Variants in POU3F1 observed in about 807,000 individuals in gnomAD.
The protein encoded by POU3F1 is POU domain, class 3, transcription factor 1.
POU3F1 carries 1 observed loss-of-function variant against 7.6 expected under a neutral mutation model. That is an observed-to-expected ratio of 0.13 (90% confidence interval 0.05 to 0.62). POU3F1 has a LOEUF of 0.62. Ranked by LOEUF, POU3F1 falls within the 20% of genes least tolerant of loss-of-function variation. The pLI, the probability that POU3F1 is intolerant of heterozygous loss-of-function variation, is 0.87. For synonymous variants in POU3F1, 354 were observed against 339.0 expected, an observed-to-expected ratio of 1.04 and a Z score of -0.49; for missense variants, 505 against 679.3, an observed-to-expected ratio of 0.74 and a Z score of 2.85.
At position 38,046,365 on chromosome 1, in the gene POU3F1, C is replaced by T. The variant is rs980529717; in HGVS notation, c.379G>A (p.Ala127Thr). The stretch of plus-strand genomic sequence containing the variant: ...TGCGCTGTGCTGCCCTGCGCCCATG[C>T]CGCGCCCGCGTGGGCCGCCCCCTGG... ...VHQGAAHAGA[A>T]WAQGSTAHHL... Residue 127 changes from alanine (A) to threonine (T), a missense_variant, in exon 1 of 1, where the codon GCA (alanine) becomes ACA (threonine). Transcript: ENST00000373012. The surrounding 1 kb of genome is among the most constrained non-coding windows in gnomAD (Gnocchi z 9.5). The T allele has an allele frequency of 4.1e-6, 5 of 1,215,152 alleles. No individual in the cohort carries two copies. Among genetic ancestry groups the T allele is most frequent in the Admixed American group, 4.6e-5 (1 of 21,956 alleles). The allele number at this position is 1,215,152 out of a possible 1,614,324, so 75.3% of individuals were successfully genotyped here. A position where few individuals can be genotyped will look rare whatever the true frequency, so the allele number is the denominator to read the frequency against.
At position 38,046,008 on chromosome 1, in the gene POU3F1, C is replaced by A. The variant is rs1646858259; in HGVS notation, c.736G>T (p.Asp246Tyr). 6.2e-7 allele frequency: 1 copy of A among 1,606,662 alleles called. No homozygotes were observed. The highest frequency in any genetic ancestry group is 1.3e-5 in the African/African-American group (1 of 74,470). The change falls in exon 1 of 1, where the codon GAC becomes TAC. Residue 246 changes from aspartate to tyrosine, a missense_variant. Asp to Tyr is a radical substitution (Grantham distance 160). This residue lies in a region of POU3F1 where 26 missense variants were observed against 99.9 expected (regional missense o/e 0.26). Transcript: ENST00000373012. This position sits in a 1 kb window ranked among gnomAD's most constrained non-coding sequence, Gnocchi z 9.5. The stretch of plus-strand genomic sequence containing the variant: ...TCGTCCGAGCTGGGCGCATCCTCGT[C>A]CGAGTGCTCGCCCACCGATGAGCCG... ...GGGSSVGEHS[D>Y]EDAPSSDDLE... is the part of the protein sequence containing the mutation.
At position 38,044,764 on chromosome 1, in the gene POU3F1, TTTAAA is replaced by T. The variant is rs1249378263; in HGVS notation, c.*619_*623del. On this transcript the variant is annotated 3_prime_UTR_variant, in exon 1 of 1. Transcript: ENST00000373012. ...CCCCGATAAATACAGTATACTGCGA[TTTAAA>T]TTAAGGGCGCGGGCGGAGTTAGAAG... 1 of 152,264 alleles carries T rather than the reference TTTAAA, an allele frequency of 6.6e-6. No individual in the cohort carries two copies. Among genetic ancestry groups the T allele is most frequent in the Non-Finnish European group, 1.5e-5 (1 of 68,002 alleles). 9.4% of individuals were successfully genotyped at this position (152,264 alleles called of 1,614,324 possible).
chr1:38,046,636 GGCCGCCGCCGCCGCCGCC>G lies in POU3F1; in HGVS notation c.90_107del (p.Ala32_Ala37del), dbSNP rs753093803. On this transcript the variant is annotated inframe_deletion, in exon 1 of 1. Coordinates refer to ENST00000373012, the MANE Select transcript of POU3F1 (RefSeq NM_002699.4). The surrounding 1 kb of genome is among the most constrained non-coding windows in gnomAD (Gnocchi z 9.5). ...CGGCCCCTGCATGCAATCGCTCCGC[GGCCGCCGCCGCCGCCGCC>G]GCCGCCGCGGCGTCCGGGTGCATAA... is the stretch of plus-strand genomic sequence containing the variant. 1.5e-6 allele frequency: 2 copies of G among 1,318,526 alleles called. No homozygotes were observed. The highest frequency in any genetic ancestry group is 1.9e-6 in the Non-Finnish European group (2 of 1,030,508). The allele number at this position is 1,318,526 out of a possible 1,614,324, so 81.7% of individuals were successfully genotyped here. A position where few individuals can be genotyped will look rare whatever the true frequency, so the allele number is the denominator to read the frequency against.
At position 38,045,540 on chromosome 1, in the gene POU3F1, C is replaced by G. The variant is rs757315636; in HGVS notation, c.1204G>C (p.Gly402Arg). 6.3e-7 allele frequency: 1 copy of G among 1,599,806 alleles called. No homozygotes were observed. The highest frequency in any genetic ancestry group is 8.5e-7 in the Non-Finnish European group (1 of 1,173,452). ...QKEKRMTPAA[G>R]AGHPPMDDVY... ...TCGTCCATGGGCGGGTGGCCCGCGC[C>G]GGCCGCAGGGGTCATGCGCTTCTCC... The change falls in exon 1 of 1, where the codon GGC (glycine) becomes CGC (arginine). Residue 402 changes from glycine (G) to arginine (R), a missense_variant. Coordinates refer to ENST00000373012, the MANE Select transcript of POU3F1 (RefSeq NM_002699.4). The surrounding 1 kb of genome is among the most constrained non-coding windows in gnomAD (Gnocchi z 9.4).
Position 38,044,062 on chromosome 1 carries a change from G to A in POU3F1, c.*1326C>T, listed in dbSNP as rs1646844407. Among the ~76,000 whole-genome samples the A allele has an allele frequency of 6.6e-6, 1 of 152,180 alleles. No homozygotes were observed. Among genetic ancestry groups the A allele is most frequent in the African/African-American group, 2.4e-5 (1 of 41,444 alleles). ...ACATCCAGAAAATAAATAGAGATGGGTCAGAAATTCGGAAATCATATTAAA... is the reference window on the plus strand; with the variant it reads ...ACATCCAGAAAATAAATAGAGATGGATCAGAAATTCGGAAATCATATTAAA... On this transcript the variant is annotated 3_prime_UTR_variant, in exon 1 of 1. Coordinates refer to ENST00000373012, the MANE Select transcript of POU3F1 (RefSeq NM_002699.4).
rs1272641237 is a variant in POU3F1 at position 38,043,967 on chromosome 1, T to TA, written c.*1420dup. Among the ~76,000 whole-genome samples the TA allele has an allele frequency of 6.6e-6, 1 of 151,558 alleles. No homozygotes were observed. Among genetic ancestry groups the TA allele is most frequent in the Admixed American group, 6.6e-5 (1 of 15,238 alleles). On this transcript the variant is annotated 3_prime_UTR_variant, in exon 1 of 1. Transcript: ENST00000373012. The surrounding 1 kb of genome is among the most constrained non-coding windows in gnomAD (Gnocchi z 4.5). ...ACATTGTTTCAAAAAATAATAAAAA[T>TA]AAAATAACAAAATTTAAATTCAAAC...
Position 38,045,712 on chromosome 1 carries a change from C to G in POU3F1, c.1032G>C (p.Thr344=), listed in dbSNP as rs752031013. The part of the protein sequence containing the change: ...AAQGRKRKKR[T]SIEVGVKGAL... ...CGCCTTTGACCCCCACCTCGATGGACGTGCGCTTCTTGCGCTTGCGGCCCT... is the reference window on the plus strand; with the variant it reads ...CGCCTTTGACCCCCACCTCGATGGAGGTGCGCTTCTTGCGCTTGCGGCCCT... Residue 344 remains threonine (T), a synonymous_variant, in exon 1 of 1, where the codon ACG becomes ACC. Transcript: ENST00000373012. The surrounding 1 kb of genome is among the most constrained non-coding windows in gnomAD (Gnocchi z 9.4). 1 of 1,613,378 alleles carries G rather than the reference C, an allele frequency of 6.2e-7. No homozygotes were observed. Among genetic ancestry groups the G allele is most frequent in the South Asian group, 1.1e-5 (1 of 90,996 alleles).
At position 38,044,189 on chromosome 1, in the gene POU3F1, C is replaced by T. The variant is rs1209611921; in HGVS notation, c.*1199G>A. Among the ~76,000 whole-genome samples, 1 of 152,246 alleles carries T rather than the reference C, an allele frequency of 6.6e-6. No homozygotes were observed. Among genetic ancestry groups the T allele is most frequent in the Non-Finnish European group, 1.5e-5 (1 of 68,042 alleles). On this transcript the variant is annotated 3_prime_UTR_variant, in exon 1 of 1. Coordinates refer to ENST00000373012, the MANE Select transcript of POU3F1 (RefSeq NM_002699.4). ...AAACCAAGCACAAAATGTTTCTTCT[C>T]CCCGCCAGTGTGTACATATCTCACA...
rs1272699234 is a variant in POU3F1 at position 38,046,209 on chromosome 1, C to T, written c.535G>A (p.Gly179Ser). The T allele has an allele frequency of 2.7e-6, 3 of 1,091,830 alleles. No homozygotes were observed. Among genetic ancestry groups the T allele is most frequent in the Non-Finnish European group, 3.3e-6 (3 of 903,412 alleles). 67.6% of individuals were successfully genotyped at this position (1,091,830 alleles called of 1,614,324 possible). ...AGGCCCGGCCCCGCGCCGCCACCGC[C>T]CGCCGCCAGCATCCCGGCCAGGCCG... ...GGGLAGMLAAGGGGAGPGLHH... is the reference protein window; with the variant it reads ...GGGLAGMLAASGGGAGPGLHH... The change falls in exon 1 of 1, where the codon GGC becomes AGC. Residue 179 changes from glycine (G) to serine (S), a missense_variant. Physicochemically the swap from Gly to Ser is moderately conservative, Grantham distance 56. This residue lies in a region of POU3F1 where 361 missense variants were observed against 382.1 expected (regional missense o/e 0.94). Coordinates refer to ENST00000373012, the MANE Select transcript of POU3F1 (RefSeq NM_002699.4). The surrounding 1 kb of genome is among the most constrained non-coding windows in gnomAD (Gnocchi z 9.5).
In POU3F1 at chr1:38,045,334, G is replaced by A; in HGVS notation, c.*54C>T. 2 of 734,610 alleles carry A rather than the reference G, an allele frequency of 2.7e-6. No homozygotes were observed. The highest frequency in any genetic ancestry group is 6.1e-5 in the South Asian group (1 of 16,354). 45.5% of individuals were successfully genotyped at this position (734,610 alleles called of 1,614,324 possible). On this transcript the variant is annotated 3_prime_UTR_variant, in exon 1 of 1. Coordinates refer to ENST00000373012, the MANE Select transcript of POU3F1 (RefSeq NM_002699.4). This position sits in a 1 kb window ranked among gnomAD's most constrained non-coding sequence, Gnocchi z 9.4. ...AACAAAAAGAGTCCAGGCCGCGCGG[G>A]CGGGCTGCGCGCCCGCGCCCTGCAG...
In POU3F1 at chr1:38,046,312, C is replaced by A. The variant is rs1344039158; in HGVS notation, c.432G>T (p.Ser144=). The change falls in exon 1 of 1, where the codon TCG becomes TCT. Residue 144 remains serine, a synonymous_variant. Coordinates refer to ENST00000373012, the MANE Select transcript of POU3F1 (RefSeq NM_002699.4). The surrounding 1 kb of genome is among the most constrained non-coding windows in gnomAD (Gnocchi z 9.5). ...AHHLGPAMSP[S]PGASGGHQPQ... ...GCTGGTGGCCCCCGCTGGCCCCGGG[C>A]GAGGGCGACATGGCCGGGCCCAAGT... 1.7e-6 allele frequency: 2 copies of A among 1,194,252 alleles called. No individual in the cohort carries two copies. Among genetic ancestry groups the A allele is most frequent in the Non-Finnish European group, 2.1e-6 (2 of 962,060 alleles). 74.0% of individuals were successfully genotyped at this position (1,194,252 alleles called of 1,614,324 possible).
Position 38,046,243 on chromosome 1 carries a change from G to GC in POU3F1, c.500dup (p.Gly168ArgfsTer119). On this transcript the variant is annotated frameshift_variant, in exon 1 of 1. Coordinates refer to ENST00000373012, the MANE Select transcript of POU3F1 (RefSeq NM_002699.4). LOFTEE classifies it low-confidence loss of function (END_TRUNC). This position sits in a 1 kb window ranked among gnomAD's most constrained non-coding sequence, Gnocchi z 9.5. ...GCATCCCGGCCAGGCCGCCGCCGCC[G>GC]CCCCCCGGGTAGGCCGCCTGCGCGT... 1 of 1,062,944 alleles carries GC rather than the reference G, an allele frequency of 9.4e-7. No individual in the cohort carries two copies. Among genetic ancestry groups the GC allele is most frequent in the East Asian group, 7.6e-5 (1 of 13,186 alleles). 65.8% of individuals were successfully genotyped at this position (1,062,944 alleles called of 1,614,324 possible).
chr1:38,046,684 C>G lies in POU3F1; in HGVS notation c.60G>C (p.Gly20=). The change falls in exon 1 of 1, where the codon GGG becomes GGC. Residue 20 remains glycine, a synonymous_variant. Transcript: ENST00000373012. This position sits in a 1 kb window ranked among gnomAD's most constrained non-coding sequence, Gnocchi z 9.5. ...CCGCGGCGTCCGGGTGCATAAGCGG[C>G]CCGGTGCCCCCGGCTCCGCCACCGG... The part of the protein sequence containing the change: ...RGPGGGAGGT[G]PLMHPDAAAA... The G allele has an allele frequency of 8.3e-7, 1 of 1,205,864 alleles. No individual in the cohort carries two copies. Among genetic ancestry groups the G allele is most frequent in the Admixed American group, 4.6e-5 (1 of 21,604 alleles). The allele number at this position is 1,205,864 out of a possible 1,614,324, so 74.7% of individuals were successfully genotyped here.
rs763137071 is a variant in POU3F1, at chr1:38,046,032, C to T, written c.712G>A (p.Gly238Ser). Residue 238 changes from glycine (G) to serine (S), a missense_variant, in exon 1 of 1, where the codon GGC becomes AGC. Gly to Ser is a moderately conservative substitution (Grantham distance 56). Transcript: ENST00000373012. This position sits in a 1 kb window ranked among gnomAD's most constrained non-coding sequence, Gnocchi z 9.5. ...TCCGAGTGCTCGCCCACCGATGAGC[C>T]GCCGCCGCCCGCGCCCGGGTGCAGG... ...AHLHPGAGGG[G>S]SSVGEHSDED... is the part of the protein sequence containing the mutation. The T allele has an allele frequency of 3.2e-6, 5 of 1,566,206 alleles. No homozygotes were observed. The South Asian group carries it at 3.5e-5, about 11-fold the overall frequency.
Position 38,046,509 on chromosome 1 carries a change from C to A in POU3F1, c.235G>T (p.Gly79Cys). The part of the protein sequence containing the change: ...AHPQWLPTGG[G>C]GGGDWAGGPH... ...CCGCCGGCCCAATCGCCGCCGCCGC[C>A]TCCTCCCGTGGGTAGCCACTGGGGG... is the stretch of plus-strand genomic sequence containing the variant. The change falls in exon 1 of 1, where the codon GGC becomes TGC. Residue 79 changes from glycine (G) to cysteine (C), a missense_variant. By Grantham distance (159) the Gly-to-Cys change is radical. Coordinates refer to ENST00000373012, the MANE Select transcript of POU3F1 (RefSeq NM_002699.4). This position sits in a 1 kb window ranked among gnomAD's most constrained non-coding sequence, Gnocchi z 9.5. 7.2e-7 allele frequency: 1 copy of A among 1,387,056 alleles called. No individual in the cohort carries two copies. The highest frequency in any genetic ancestry group is 9.3e-7 in the Non-Finnish European group (1 of 1,069,530). 85.9% of individuals were successfully genotyped at this position (1,387,056 alleles called of 1,614,324 possible).
At position 38,045,362 on chromosome 1, in the gene POU3F1, C is replaced by T; in HGVS notation, c.*26G>A. The T allele has an allele frequency of 1.8e-6, 2 of 1,119,050 alleles. No individual in the cohort carries two copies. Among genetic ancestry groups the T allele is most frequent in the East Asian group, 4.0e-5 (1 of 24,982 alleles). 69.3% of individuals were successfully genotyped at this position (1,119,050 alleles called of 1,614,324 possible). A position where few individuals can be genotyped will look rare whatever the true frequency, so the allele number is the denominator to read the frequency against. The stretch of plus-strand genomic sequence containing the variant: ...GGCTGCGCGCCCGCGCCCTGCAGCG[C>T]GCCGGCGGGGGCCCGGCCCGCGGGG... On this transcript the variant is annotated 3_prime_UTR_variant, in exon 1 of 1. Coordinates refer to ENST00000373012, the MANE Select transcript of POU3F1 (RefSeq NM_002699.4). This position sits in a 1 kb window ranked among gnomAD's most constrained non-coding sequence, Gnocchi z 9.4.
chr1:38,046,603 G>A lies in POU3F1; in HGVS notation c.141C>T (p.Arg47=). Residue 47 remains arginine, a synonymous_variant, in exon 1 of 1, where the codon CGC becomes CGT. Transcript: ENST00000373012. The surrounding 1 kb of genome is among the most constrained non-coding windows in gnomAD (Gnocchi z 9.5). The part of the protein sequence containing the change: ...AERLHAGAAY[R]EVQKLMHHEW... ...CGTGGTGCATCAGCTTCTGCACTTC[G>A]CGGTACGCGGCCCCTGCATGCAATC... is the stretch of plus-strand genomic sequence containing the variant. The A allele has an allele frequency of 7.3e-7, 1 of 1,377,442 alleles. No homozygotes were observed. Among genetic ancestry groups the A allele is most frequent in the Non-Finnish European group, 9.4e-7 (1 of 1,059,778 alleles). The allele number at this position is 1,377,442 out of a possible 1,614,324, so 85.3% of individuals were successfully genotyped here.
Position 38,045,694 on chromosome 1 carries a change from G to C in POU3F1, c.1050C>G (p.Val350=). Residue 350 remains valine (V), a synonymous_variant, in exon 1 of 1, where the codon GTC becomes GTG. Transcript: ENST00000373012. This position sits in a 1 kb window ranked among gnomAD's most constrained non-coding sequence, Gnocchi z 9.4. ...GAAAGTGGCTCTCGAGCGCGCCTTT[G>C]ACCCCCACCTCGATGGACGTGCGCT... ...RKKRTSIEVG[V]KGALESHFLK... 6.2e-7 allele frequency: 1 copy of C among 1,613,184 alleles called. No individual in the cohort carries two copies. Among genetic ancestry groups the C allele is most frequent in the Non-Finnish European group, 8.5e-7 (1 of 1,179,622 alleles).
At position 38,045,401 on chromosome 1, in the gene POU3F1, C is replaced by T. The variant is rs921848008; in HGVS notation, c.1343G>A (p.Gly448Asp). 3.6e-6 allele frequency: 5 copies of T among 1,408,352 alleles called. No individual in the cohort carries two copies. Among genetic ancestry groups the T allele is most frequent in the African/African-American group, 1.5e-5 (1 of 66,162 alleles). 87.2% of individuals were successfully genotyped at this position (1,408,352 alleles called of 1,614,324 possible). The change falls in exon 1 of 1, where the codon GGC (glycine) becomes GAC (aspartate). Residue 448 changes from glycine (G) to aspartate (D), a missense_variant. Gly to Asp is a moderately conservative substitution (Grantham distance 94). Transcript: ENST00000373012. The surrounding 1 kb of genome is among the most constrained non-coding windows in gnomAD (Gnocchi z 9.4). ...LHHHHHHTLP[G>D]SVQ is the part of the protein sequence containing the mutation. ...CGGCCCGCGGGGTCACTGCACTGAG[C>T]CGGGCAGTGTGTGGTGGTGGTGGTG...
Sources: allele counts gnomAD v4.1 joint callset (sites outside exome capture counted in the v4.1 genomes callset), GRCh38; gene constraint gnomAD v4.1.1; regional missense constraint gnomAD v4.1.1; non-coding constraint Gnocchi (gnomAD v3.1); transcripts MANE v1.5; gene names NCBI Gene and HGNC (gene_info 2026-07-23, HGNC 2026-07-21).